The following MND1 variants were observed in gnomAD, a reference collection of about 807,000 sequenced individuals.
MND1 encodes the protein meiotic nuclear division protein 1 homolog.
A neutral mutation model predicts 35.1 loss-of-function variants in MND1; 28 were observed. That is an observed-to-expected ratio of 0.80 (90% CI 0.59 to 1.09). The LOEUF (loss-of-function observed/expected upper bound fraction) is 1.09, where lower values mean the gene tolerates loss of function less well. MND1 is among the 50% of genes least tolerant of loss of function. The pLI, the probability that MND1 is intolerant of heterozygous loss-of-function variation, is 0.00. For missense variants in MND1, 213 were observed against 239.6 expected, an observed-to-expected ratio of 0.89 and a Z score of 0.73; for synonymous variants, 69 against 70.5, an observed-to-expected ratio of 0.98 and a Z score of 0.11.
chr4:153,393,924 CTTTTT>C (rs36028750), intron 4 of MND1, among the ~76,000 whole-genome samples: 1 of 56,464 alleles, frequency 1.8e-5, no homozygotes, highest in African/African-American at 7.1e-5. Flanking sequence ...ACTTTGTTTT[CTTTTT>C]TTTTTTTTTT....
intron 2 of MND1, among the ~76,000 whole-genome samples, chr4:153,351,982 C>A (rs1264595258): frequency 6.6e-6 from 1 of 152,110 alleles, no homozygotes; most frequent in Non-Finnish European, 1.5e-5. Flanking sequence ...AATGAAGCAG[C>A]ATATACTATA....
intron 4 of MND1, among the ~76,000 whole-genome samples, chr4:153,390,929 G>GTATA (rs1729012917): frequency 2.1e-5 from 3 of 143,796 alleles, no homozygotes; most frequent in Non-Finnish European, 4.6e-5. Flanking sequence ...ATGTGTGTGT[G>GTATA]TGTGTGTGTG....
chr4:153,353,122 G>T (rs1241247016), intron 2 of MND1, among the ~76,000 whole-genome samples: 2 of 151,940 alleles, frequency 1.3e-5, no homozygotes, highest in Non-Finnish European at 2.9e-5. Context: ...ATGCATTAAA[G>T]ACTTAAAGTC....
intron 4 of MND1, among the ~76,000 whole-genome samples, chr4:153,365,380 T>G (rs1037228890): frequency 2.4e-4 from 36 of 152,256 alleles, no homozygotes; most frequent in African/African-American, 8.7e-4. Context: ...ACACAGGACA[T>G]GGAGTCAAAA....
chr4:153,353,218 C>T (rs567209021), intron 2 of MND1, among the ~76,000 whole-genome samples: 13 of 151,822 alleles, frequency 8.6e-5, no homozygotes, highest in South Asian at 4.2e-4. Flanking sequence ...ATCTCATACT[C>T]GCACTAAGTT....
intron 6 of MND1, among the ~76,000 whole-genome samples, chr4:153,407,293 A>G (rs1335448770): frequency 2.0e-5 from 3 of 152,184 alleles, no homozygotes; most frequent in Non-Finnish European, 4.4e-5. Flanking sequence ...GTGAAACCCT[A>G]TCTCTACTAA....
chr4:153,393,586 C>T (rs1729109437), intron 4 of MND1, among the ~76,000 whole-genome samples: 1 of 151,744 alleles, frequency 6.6e-6, no homozygotes, highest in Non-Finnish European at 1.5e-5. Flanking sequence ...GCCGTGTTGC[C>T]CAGGCTGGTC....
In MND1 at chr4:153,414,608, T is replaced by C. The variant is rs189001381; in HGVS notation, c.512-143T>C. 1.5e-3 allele frequency: 700 copies of C among 455,544 alleles called. 3 individuals are homozygous for C. The highest frequency in any genetic ancestry group is 3.5e-3 in the Admixed American group (86 of 24,710). The allele number at this position is 455,544 out of a possible 1,614,324, so 28.2% of individuals were successfully genotyped here. ...TTAAGTACTTTTTAATTAGTTGCCA[T>C]TACTCTTAAAAATACAGAAAACTCC... On this transcript the variant is annotated intron_variant, in intron 7 of 7. Transcript: ENST00000240488.
At chr4:153,360,292 C>T (rs1365185587) in intron 4 of MND1, among the ~76,000 whole-genome samples, 1 of 152,132 alleles carries the variant, frequency 6.6e-6, no homozygotes, top group African/African-American at 2.4e-5. Context: ...ATCTCAACAG[C>T]ATCTTTCACA....
intron 4 of MND1, among the ~76,000 whole-genome samples, chr4:153,393,095 G>A (rs1729090477): frequency 6.6e-6 from 1 of 151,886 alleles, no homozygotes; most frequent in South Asian, 2.1e-4. Context: ...CTCCAGCCTG[G>A]GTGCCAGAGT....
chr4:153,380,716 C>T lies in MND1; in HGVS notation c.277-13546C>T, dbSNP rs1270084947. ...TAAACCGAATTGTCTTATTACTTCT[C>T]TGTTGACCTGGATAATCCAGAATTA... On this transcript the variant is annotated intron_variant, in intron 4 of 7. Transcript: ENST00000240488. 5.3e-5 allele frequency among the ~76,000 whole-genome samples: 8 copies of T among 152,294 alleles called. No individual in the cohort carries two copies. In the East Asian group the frequency reaches 1.5e-3, roughly 29 times the overall value.
At chr4:153,394,789 A>G (rs1729154485) in intron 5 of MND1, among the ~76,000 whole-genome samples, 1 of 152,182 alleles carries the variant, frequency 6.6e-6, no homozygotes, top group Non-Finnish European at 1.5e-5. Context: ...GAAAACTATC[A>G]ACATAGTATC....
chr4:153,353,739 ATTGTT>A (rs1286965054), intron 2 of MND1, among the ~76,000 whole-genome samples: 4 of 151,232 alleles, frequency 2.6e-5, no homozygotes, highest in African/African-American at 9.7e-5. Flanking sequence ...TTTTGTTCTT[ATTGTT>A]TTGTTTTGTC....
intron 2 of MND1, among the ~76,000 whole-genome samples, chr4:153,352,227 ATAATT>A (rs1773231962): frequency 6.6e-6 from 1 of 152,212 alleles, no homozygotes; most frequent in African/African-American, 2.4e-5. Context: ...TTATGCCCAG[ATAATT>A]TAATATAAAT....
intron 1 of MND1, chr4:153,345,548 A>G (rs1773057534): frequency 1.0e-6 from 1 of 985,222 alleles, no homozygotes; most frequent in Non-Finnish European, 1.2e-6. Context: ...CTGCTCATCA[A>G]ATCATTTTCA....
chr4:153,407,139 A>G (rs1187780736), intron 6 of MND1, among the ~76,000 whole-genome samples: 1 of 152,206 alleles, frequency 6.6e-6, no homozygotes, highest in Non-Finnish European at 1.5e-5. Context: ...AACCATATCA[A>G]CACCCATTAG....
At chr4:153,405,928 C>T (rs1174241972) in intron 6 of MND1, among the ~76,000 whole-genome samples, 3 of 152,064 alleles carry the variant, frequency 2.0e-5, no homozygotes, top group South Asian at 2.1e-4. Flanking sequence ...CCTCAACCTC[C>T]GAGTACCTGG....
At chr4:153,401,665 T>A (rs1193135661) in intron 6 of MND1, among the ~76,000 whole-genome samples, 1 of 152,200 alleles carries the variant, frequency 6.6e-6, no homozygotes, top group Admixed American at 6.5e-5. Flanking sequence ...ACAAATTGAT[T>A]TTAATAGGAT....
chr4:153,363,859 T>C (rs1218848593), intron 4 of MND1, among the ~76,000 whole-genome samples: 2 of 152,148 alleles, frequency 1.3e-5, no homozygotes, highest in Non-Finnish European at 2.9e-5. Flanking sequence ...AAATCAGCTA[T>C]GCGGCTATTG....
Sources: gnomAD v4.1 joint callset for allele counts (sites outside exome capture counted in the v4.1 genomes callset) on GRCh38, gnomAD v4.1.1 for gene constraint, MANE v1.5 for transcripts, NCBI Gene and HGNC (gene_info 2026-07-23, HGNC 2026-07-21) for gene names.